Variants in ACVR2A observed in about 807,000 individuals in gnomAD.
The protein encoded by ACVR2A is activin A receptor type 2A.
Under a neutral mutation model 61.4 loss-of-function variants are expected in ACVR2A, and 7 were observed. That is an observed-to-expected ratio of 0.11 (90% CI 0.06 to 0.21). ACVR2A has a LOEUF of 0.21. ACVR2A is among the 10% of genes least tolerant of loss of function. The pLI is 1.00. For synonymous variants in ACVR2A, 193 were observed against 208.3 expected (o/e 0.93, Z 0.63); for missense variants, 322 against 621.7 (o/e 0.52, Z 5.13).
At chr2:147,924,944 C>A (rs1687467569) in intron 9 of ACVR2A, among the ~76,000 whole-genome samples, 1 of 151,918 alleles carries the variant, frequency 6.6e-6, no homozygotes, top group Non-Finnish European at 1.5e-5. Flanking sequence ...CAAGCAGAGA[C>A]CAACTGTCCA....
At chr2:147,861,412 A>G (rs950674877) in intron 1 of ACVR2A, among the ~76,000 whole-genome samples, 1 of 152,208 alleles carries the variant, frequency 6.6e-6, no homozygotes, top group African/African-American at 2.4e-5. Flanking sequence ...ATTTTCAATT[A>G]TGTAGTTTAT....
intron 7 of ACVR2A, 122 bp from the exon 8 acceptor site, chr2:147,920,108 A>G: frequency 1.5e-6 from 1 of 655,898 alleles, no homozygotes; most frequent in Non-Finnish European, 2.6e-6. Flanking sequence ...CTTTCTCTGC[A>G]TTTCATAATT....
rs1687599966 is a variant in ACVR2A, at chr2:147,929,466, T to C, written c.*2192T>C. 6.6e-6 allele frequency: 1 copy of C among 152,354 alleles called. No homozygotes were observed. The highest frequency in any genetic ancestry group is 2.4e-5 in the African/African-American group (1 of 41,432). 9.4% of individuals were successfully genotyped at this position (152,354 alleles called of 1,614,324 possible). A position where few individuals can be genotyped will look rare whatever the true frequency, so the allele number is the denominator to read the frequency against. ...AATTTTTAAACCCAGTTATTCACAA[T>C]ATAAAATGTTTTCAAGTTAGAAAAA... On this transcript the variant is annotated 3_prime_UTR_variant, in exon 11 of 11. Coordinates refer to ENST00000241416, the MANE Select transcript of ACVR2A (RefSeq NM_001616.5).
chr2:147,862,817 T>G (rs1337208536), intron 1 of ACVR2A, among the ~76,000 whole-genome samples: 1 of 152,206 alleles, frequency 6.6e-6, no homozygotes, highest in Non-Finnish European at 1.5e-5. Flanking sequence ...GAATTTTACA[T>G]TATTTTCACA....
In ACVR2A at chr2:147,930,162, A is replaced by C. The variant is rs17692648; in HGVS notation, c.*2888A>C. ...TATCTTTCATGGTGATGTTTTGAAA[A>C]TACAATCAGGAAAAAACCCAACACC... On this transcript the variant is annotated 3_prime_UTR_variant, in exon 11 of 11. Transcript: ENST00000241416. The C allele has an allele frequency of 0.14, 20,669 of 152,358 alleles. 1,705 individuals carry two copies. The highest frequency in any genetic ancestry group is 0.21 in the Middle Eastern group (62 of 294). 9.4% of individuals were successfully genotyped at this position (152,358 alleles called of 1,614,324 possible).
chr2:147,899,340 G>T (rs1686817947), intron 2 of ACVR2A, 118 bp from the exon 3 acceptor site: 2 of 640,058 alleles, frequency 3.1e-6, no homozygotes, highest in Non-Finnish European at 4.7e-6. Context: ...ATATAAATAC[G>T]AATCTTGAAG....
rs111862877 is a variant in ACVR2A, at chr2:147,920,273, G to A, written c.1006G>A (p.Ala336Thr). The change falls in exon 8 of 11, where the codon GCT (alanine) becomes ACT (threonine). Residue 336 changes from alanine to threonine, a missense_variant. Transcript: ENST00000241416. ...TGTGCTGTTGAAAAACAACCTGACA[G>A]CTTGCATTGCTGACTTTGGGTTGGC... ...KNVLLKNNLT[A>T]CIADFGLALK... 1.2e-6 allele frequency: 2 copies of A among 1,613,522 alleles called. No individual in the cohort carries two copies. Among genetic ancestry groups the A allele is most frequent in the Non-Finnish European group, 1.7e-6 (2 of 1,179,684 alleles).
chr2:147,909,538 A>G (rs554997566), intron 4 of ACVR2A, among the ~76,000 whole-genome samples: 3 of 152,282 alleles, frequency 2.0e-5, no homozygotes, highest in Non-Finnish European at 4.4e-5. Flanking sequence ...ACCGTTACCT[A>G]CAGTTATAGT....
intron 1 of ACVR2A, among the ~76,000 whole-genome samples, chr2:147,846,410 G>A (rs531922330): frequency 6.6e-5 from 10 of 151,540 alleles, no homozygotes; most frequent in Non-Finnish European, 1.3e-4. Context: ...TTGTGTGTTT[G>A]TGTCCGTCTT....
chr2:147,914,906 A>C (rs1687213076), intron 4 of ACVR2A, among the ~76,000 whole-genome samples: 1 of 151,982 alleles, frequency 6.6e-6, no homozygotes. Context: ...CTTAGTGGGG[A>C]ATATTACTGA....
chr2:147,858,561 T>G (rs1685647220), intron 1 of ACVR2A, among the ~76,000 whole-genome samples: 1 of 152,218 alleles, frequency 6.6e-6, no homozygotes, highest in Non-Finnish European at 1.5e-5. Flanking sequence ...CACTTGTTTG[T>G]CTTCCATTAA....
rs560799962 is a variant in ACVR2A at position 147,845,452 on chromosome 2, T to C, written c.55+245T>C. ...GCTGATAAGAGTGAGTGCTGTGTTG[T>C]TGTGGAAGTGAGAAAGTCATGTTTT... On this transcript the variant is annotated intron_variant, in intron 1 of 10. Coordinates refer to ENST00000241416, the MANE Select transcript of ACVR2A (RefSeq NM_001616.5). Among the ~76,000 whole-genome samples the C allele has an allele frequency of 7.3e-5, 11 of 151,190 alleles. No individual in the cohort carries two copies. The South Asian group carries it at 1.3e-3, about 17-fold the overall frequency.
intron 1 of ACVR2A, among the ~76,000 whole-genome samples, chr2:147,847,935 G>C (rs1472004669): frequency 6.6e-6 from 1 of 152,212 alleles, no homozygotes; most frequent in Non-Finnish European, 1.5e-5. Flanking sequence ...TGCAGCTATT[G>C]TGGTATTTGA....
Position 147,845,054 on chromosome 2 carries a change from G to T in ACVR2A, c.-99G>T. 6.1e-6 allele frequency: 2 copies of T among 329,634 alleles called. No individual in the cohort carries two copies. Among genetic ancestry groups the T allele is most frequent in the South Asian group, 2.2e-5 (1 of 45,364 alleles). The allele number at this position is 329,634 out of a possible 1,614,324, so 20.4% of individuals were successfully genotyped here. ...GTCTGGGCTTCCGAATATGTTTTAT[G>T]ACGGTTGATTTTACACCAGGAGGTT... is the stretch of plus-strand genomic sequence containing the variant. On this transcript the variant is annotated 5_prime_UTR_variant, in exon 1 of 11. An upstream start codon of the reference 5' UTR is lost. Coordinates refer to ENST00000241416, the MANE Select transcript of ACVR2A (RefSeq NM_001616.5).
intron 1 of ACVR2A, among the ~76,000 whole-genome samples, chr2:147,860,005 C>T (rs1685686783): frequency 1.3e-5 from 2 of 152,112 alleles, no homozygotes; most frequent in Non-Finnish European, 2.9e-5. Context: ...GGCCACAGCT[C>T]ACTGATTTCT....
intron 1 of ACVR2A, among the ~76,000 whole-genome samples, chr2:147,871,471 A>C (rs868519073): frequency 1.3e-5 from 2 of 152,140 alleles, no homozygotes. Context: ...AAATAAGAAA[A>C]TTTGCAGAAT....
intron 9 of ACVR2A, 96 bp downstream of exon 9, chr2:147,923,207 T>A: frequency 1.5e-6 from 2 of 1,299,832 alleles, no homozygotes; most frequent in Non-Finnish European, 2.1e-6. Flanking sequence ...TAAAGTACAG[T>A]TTTTTTTTAA....
intron 8 of ACVR2A, among the ~76,000 whole-genome samples, chr2:147,921,184 C>T (rs192404284): frequency 1.4e-3 from 215 of 152,214 alleles, no homozygotes; most frequent in African/African-American, 4.8e-3. Flanking sequence ...CACACATGCA[C>T]CACCATGCCC....
Position 147,896,287 on chromosome 2 carries a change from T to C in ACVR2A, c.56-14T>C, listed in dbSNP as rs1686730963. ...AGATAATGTGGTTATATTATTGTTT[T>C]TATTATCTTATAGGTGCTATACTTG... On this transcript the variant is annotated splice_polypyrimidine_tract_variant and intron_variant, in intron 1 of 10. Transcript: ENST00000241416. 6.3e-7 allele frequency: 1 copy of C among 1,595,790 alleles called. No individual in the cohort carries two copies. Among genetic ancestry groups the C allele is most frequent in the African/African-American group, 1.3e-5 (1 of 74,284 alleles).
Sources: gnomAD v4.1 joint callset for allele counts (sites outside exome capture counted in the v4.1 genomes callset) on GRCh38, gnomAD v4.1.1 for gene constraint, MANE v1.5 for transcripts, NCBI Gene and HGNC (gene_info 2026-07-23, HGNC 2026-07-21) for gene names.